Variants in SGCZ observed in about 807,000 individuals in gnomAD.
SGCZ encodes the protein zeta-sarcoglycan.
In SGCZ, 40 loss-of-function variants were observed where a neutral mutation model predicts 41.3. The observed-to-expected ratio is 0.97, with a 90% CI of 0.75 to 1.26. The LOEUF is 1.26. Among genes scored for constraint, SGCZ ranks in the 50% most tolerant of loss-of-function variants. The pLI, the probability that SGCZ is intolerant of heterozygous loss-of-function variation, is 0.00. For synonymous variants in SGCZ, 206 were observed against 137.5 expected, an observed-to-expected ratio of 1.50 and a Z score of -3.49; for missense variants, 552 against 369.8, an observed-to-expected ratio of 1.49 and a Z score of -4.04.
At chr8:14,781,730 T>G (rs370886718) in intron 1 of SGCZ, among the ~76,000 whole-genome samples, 2 of 152,118 alleles carry the variant, frequency 1.3e-5, no homozygotes, top group Non-Finnish European at 2.9e-5. Flanking sequence ...ATTTAAAAAT[T>G]TGCTTAATAG....
chr8:14,825,472 T>C (rs1802270214), intron 1 of SGCZ, among the ~76,000 whole-genome samples: 2 of 152,214 alleles, frequency 1.3e-5, no homozygotes, highest in Non-Finnish European at 2.9e-5. Flanking sequence ...TTGTCAAGTT[T>C]ATGGCATTAT....
chr8:15,107,585 A>G (rs1259882816), intron 1 of SGCZ, among the ~76,000 whole-genome samples: 2 of 152,180 alleles, frequency 1.3e-5, no homozygotes, highest in Non-Finnish European at 1.5e-5. Flanking sequence ...ACCAGAAGCC[A>G]AGCAATTGCC....
intron 4 of SGCZ, among the ~76,000 whole-genome samples, chr8:14,233,984 G>A (rs1806666177): frequency 1.3e-5 from 2 of 151,776 alleles, no homozygotes; most frequent in Non-Finnish European, 2.9e-5. Flanking sequence ...AGAGAAATTT[G>A]GAGGAAGAAA....
At chr8:14,300,980 T>C (rs942694883) in intron 3 of SGCZ, among the ~76,000 whole-genome samples, 2 of 151,874 alleles carry the variant, frequency 1.3e-5, no homozygotes, top group African/African-American at 4.8e-5. Flanking sequence ...CCAGAAAAGA[T>C]ATAGCCAGAA....
At chr8:14,308,735 T>C (rs1448998376) in intron 3 of SGCZ, among the ~76,000 whole-genome samples, 1 of 152,050 alleles carries the variant, frequency 6.6e-6, no homozygotes, top group Non-Finnish European at 1.5e-5. Flanking sequence ...TTACTTATCT[T>C]TGTGCCGCGG....
In SGCZ at chr8:15,237,833, C is replaced by T. The variant is rs190687500; in HGVS notation, c.-210G>A. 3.1e-5 allele frequency: 17 copies of T among 547,670 alleles called. No individual in the cohort carries two copies. In the East Asian group the frequency reaches 4.1e-4, roughly 13 times the overall value. The allele number at this position is 547,670 out of a possible 1,614,324, so 33.9% of individuals were successfully genotyped here. A position where few individuals can be genotyped will look rare whatever the true frequency, so the allele number is the denominator to read the frequency against. ...ATGATAATTCACTTTATTTTACTTC[C>T]TCAAAGATTTAGTGACAGGTGATCT... On this transcript the variant is annotated 5_prime_UTR_variant, in exon 1 of 8. Coordinates refer to ENST00000382080, the MANE Select transcript of SGCZ (RefSeq NM_139167.4).
chr8:15,092,898 G>A (rs1806204145), intron 1 of SGCZ, among the ~76,000 whole-genome samples: 1 of 152,076 alleles, frequency 6.6e-6, no homozygotes, highest in South Asian at 2.1e-4. Context: ...ACTACTAACA[G>A]GAAAACAGAT....
intron 2 of SGCZ, among the ~76,000 whole-genome samples, chr8:14,494,942 T>A (rs1448163548): frequency 6.6e-6 from 1 of 152,236 alleles, no homozygotes; most frequent in Non-Finnish European, 1.5e-5. Flanking sequence ...TTGTTCCTTG[T>A]CACTTTTTCC....
At chr8:15,143,716 T>C (rs148825412) in intron 1 of SGCZ, among the ~76,000 whole-genome samples, 1 of 152,350 alleles carries the variant, frequency 6.6e-6, no homozygotes, top group African/African-American at 2.4e-5. Context: ...AGTGTTTCCT[T>C]ATAATTTAGT....
chr8:14,781,688 C>T (rs760596315), intron 1 of SGCZ, among the ~76,000 whole-genome samples: 24 of 152,134 alleles, frequency 1.6e-4, no homozygotes, highest in Non-Finnish European at 3.1e-4. Flanking sequence ...GATGGAGTTA[C>T]ATCTAATAAA....
At chr8:14,953,920 C>G (rs192629176) in intron 1 of SGCZ, among the ~76,000 whole-genome samples, 1 of 152,260 alleles carries the variant, frequency 6.6e-6, no homozygotes, top group African/African-American at 2.4e-5. Flanking sequence ...ACAGGAGATA[C>G]TGGCTAAATA....
intron 1 of SGCZ, among the ~76,000 whole-genome samples, chr8:14,787,647 G>C (rs1214853227): frequency 6.6e-6 from 1 of 152,018 alleles, no homozygotes; most frequent in African/African-American, 2.4e-5. Context: ...GGGAGTTTGA[G>C]ACCAGCCTGA....
chr8:15,008,909 C>T (rs892677068), intron 1 of SGCZ, among the ~76,000 whole-genome samples: 2 of 152,064 alleles, frequency 1.3e-5, no homozygotes, highest in South Asian at 2.1e-4. Context: ...AAGGAAAAAA[C>T]TGTCCTCATA....
chr8:14,612,439 G>A (rs1335085967), intron 1 of SGCZ, among the ~76,000 whole-genome samples: 1 of 152,180 alleles, frequency 6.6e-6, no homozygotes, highest in Non-Finnish European at 1.5e-5. Context: ...CCATAAGGAA[G>A]TGTGAGTCAA....
chr8:14,818,741 TA>T (rs1278159664), intron 1 of SGCZ, among the ~76,000 whole-genome samples: 1 of 151,980 alleles, frequency 6.6e-6, no homozygotes, highest in Non-Finnish European at 1.5e-5. Context: ...AAGATGTAAT[TA>T]AAAATATCTT....
intron 1 of SGCZ, among the ~76,000 whole-genome samples, chr8:14,768,558 T>C (rs2130383152): frequency 1.3e-5 from 2 of 152,330 alleles, no homozygotes; most frequent in Admixed American, 1.3e-4. Context: ...TAATAATAAC[T>C]GAAAGTTAAA....
intron 2 of SGCZ, among the ~76,000 whole-genome samples, chr8:14,340,429 T>C (rs527963963): frequency 6.6e-4 from 100 of 152,342 alleles, no homozygotes; most frequent in African/African-American, 2.3e-3. Flanking sequence ...CCTATTTTTC[T>C]TTTATTCACG....
intron 1 of SGCZ, among the ~76,000 whole-genome samples, chr8:14,945,471 A>C (rs537563919): frequency 6.6e-6 from 1 of 152,260 alleles, no homozygotes; most frequent in South Asian, 2.1e-4. Context: ...AGAGTTGGTC[A>C]AATTTTAATG....
intron 1 of SGCZ, among the ~76,000 whole-genome samples, chr8:15,072,370 C>T (rs1805387298): frequency 6.6e-6 from 1 of 152,120 alleles, no homozygotes; most frequent in Non-Finnish European, 1.5e-5. Context: ...AAAATAGCAA[C>T]ATCAACAAAA....
Sources: gnomAD v4.1 joint callset for allele counts (sites outside exome capture counted in the v4.1 genomes callset) on GRCh38, gnomAD v4.1.1 for gene constraint, MANE v1.5 for transcripts, NCBI Gene and HGNC (gene_info 2026-07-23, HGNC 2026-07-21) for gene names.